CYP4F2: variants seen among roughly 807,000 people sequenced by gnomAD.
CYP4F2 encodes cytochrome P450 family 4 subfamily F member 2, also known as cytochrome P450 4F2.
Under a neutral mutation model 58.9 loss-of-function variants are expected in CYP4F2, and 58 were observed. The ratio of observed to expected loss-of-function variants is 0.98; its 90% CI spans 0.80 to 1.23. The LOEUF (loss-of-function observed/expected upper bound fraction) is 1.23, where lower values mean the gene tolerates loss of function less well. CYP4F2 is among the 50% of genes most tolerant of loss of function. CYP4F2 has a pLI of 0.00. For missense variants in CYP4F2, 616 were observed against 685.6 expected, an observed-to-expected ratio of 0.90 and a Z score of 1.13; for synonymous variants, 287 against 261.1, an observed-to-expected ratio of 1.10 and a Z score of -0.95.
At chr19:15,888,803 G>A (rs963579702) in intron 7 of CYP4F2, among the ~76,000 whole-genome samples, 3 of 151,984 alleles carry the variant, frequency 2.0e-5, no homozygotes, top group African/African-American at 7.3e-5. Context: ...CATAGACGAA[G>A]ACATAGTCAT....
chr19:15,888,568 A>G (rs1048197467), intron 7 of CYP4F2, among the ~76,000 whole-genome samples: 2 of 152,214 alleles, frequency 1.3e-5, no homozygotes, highest in Non-Finnish European at 2.9e-5. Flanking sequence ...ACACAGACAC[A>G]CAAGTACACA....
At chr19:15,896,475 G>T (rs1190740498) in intron 2 of CYP4F2, among the ~76,000 whole-genome samples, 2 of 152,156 alleles carry the variant, frequency 1.3e-5, no homozygotes, top group Non-Finnish European at 2.9e-5. Context: ...ATATGGGGAG[G>T]TCCTCACAGG....
chr19:15,888,847 A>G (rs2089398669), intron 7 of CYP4F2, among the ~76,000 whole-genome samples: 1 of 152,242 alleles, frequency 6.6e-6, no homozygotes, highest in African/African-American at 2.4e-5. Context: ...ATAGACATAC[A>G]CTGAGACAAA....
Position 15,892,571 on chromosome 19 carries a change from G to C in CYP4F2, c.355C>G (p.Pro119Ala). 1.2e-6 allele frequency: 2 copies of C among 1,614,048 alleles called. No homozygotes were observed. Among genetic ancestry groups the C allele is most frequent in the South Asian group, 2.2e-5 (2 of 91,062 alleles). The change falls in exon 4 of 13, where the codon CCA becomes GCA. Residue 119 changes from proline to alanine, a missense_variant. By Grantham distance (27) the Pro-to-Ala change is conservative. Transcript: ENST00000221700. ...AAGCTGTAGAAGAACTTGTCCTTTG[G>C]TGCAATGGCAGCTGACATAAATGAG... is the stretch of plus-strand genomic sequence containing the variant. ...SVINASAAIAPKDKFFYSFLE... is the reference protein window; with the variant it reads ...SVINASAAIAAKDKFFYSFLE...
chr19:15,885,522 T>C (rs910035840), intron 9 of CYP4F2, among the ~76,000 whole-genome samples: 1 of 152,116 alleles, frequency 6.6e-6, no homozygotes, highest in Non-Finnish European at 1.5e-5. Context: ...ATTTTACCCC[T>C]AGGTCTCCCT....
intron 9 of CYP4F2, among the ~76,000 whole-genome samples, chr19:15,881,582 GATAGATAGATAGATAGATA>G (rs1386468751): frequency 3.3e-5 from 1 of 30,126 alleles, no homozygotes; most frequent in Non-Finnish European, 1.3e-4. Context: ...TAGATAGATA[GATAGATAGATAGATAGATA>G]GATAACAAAT....
rs1335939544 is a variant in CYP4F2 at position 15,897,498 on chromosome 19, G to C, written c.114C>G (p.Thr38=). 1 of 1,614,016 alleles carries C rather than the reference G, an allele frequency of 6.2e-7. No homozygotes were observed. Among genetic ancestry groups the C allele is most frequent in the South Asian group, 1.1e-5 (1 of 91,072 alleles). ...SWLLAHVLAW[T]YAFYDNCRRL... ...GGCGGCAGTTGTCATAGAAGGCGTA[G>C]GTCCAGGCCAGGACATGGGCCAGGA... The change falls in exon 2 of 13, where the codon ACC becomes ACG. Residue 38 remains threonine, a synonymous_variant. Transcript: ENST00000221700.
chr19:15,895,675 C>A, intron 2 of CYP4F2, 25 bp from the exon 3 acceptor site: 1 of 1,582,506 alleles, frequency 6.3e-7, no homozygotes, highest in South Asian at 1.2e-5. Context: ...GGGGTCATTA[C>A]CTTCTGTGAT....
Position 15,878,619 on chromosome 19 carries a change from G to A in CYP4F2, c.*152C>T, listed in dbSNP as rs577664914. On this transcript the variant is annotated 3_prime_UTR_variant, in exon 13 of 13. Coordinates refer to ENST00000221700, the MANE Select transcript of CYP4F2 (RefSeq NM_001082.5). ...CCGCCATGAACATTCACGCACAAGC[G>A]TCTTTCTGTTTGAACACTTGTCTCA... is the stretch of plus-strand genomic sequence containing the variant. The A allele has an allele frequency of 4.0e-5, 43 of 1,068,648 alleles. No homozygotes were observed. The highest frequency in any genetic ancestry group is 3.9e-4 in the East Asian group (14 of 36,206). The allele number at this position is 1,068,648 out of a possible 1,614,324, so 66.2% of individuals were successfully genotyped here. A position where few individuals can be genotyped will look rare whatever the true frequency, so the allele number is the denominator to read the frequency against.
rs2089330978 is a variant in CYP4F2 at position 15,879,685 on chromosome 19, A to G, written c.1250-17T>C. On this transcript the variant is annotated splice_polypyrimidine_tract_variant and intron_variant, in intron 10 of 12. Coordinates refer to ENST00000221700, the MANE Select transcript of CYP4F2 (RefSeq NM_001082.5). ...AGATAATGCCTGTGGGAGAGAAGGG[A>G]GCAGTCAGGAGAAGGCCTCCTTCAC... is the stretch of plus-strand genomic sequence containing the variant. 5 of 1,614,110 alleles carry G rather than the reference A, an allele frequency of 3.1e-6. No individual in the cohort carries two copies. The highest frequency in any genetic ancestry group is 4.2e-6 in the Non-Finnish European group (5 of 1,180,008).
At chr19:15,894,584 C>A (rs1351693395) in intron 3 of CYP4F2, among the ~76,000 whole-genome samples, 1 of 152,178 alleles carries the variant, frequency 6.6e-6, no homozygotes, top group Non-Finnish European at 1.5e-5. Context: ...CCTCCCTGGA[C>A]TTTAAAGTCA....
chr19:15,893,442 A>G (rs894933404), intron 3 of CYP4F2, among the ~76,000 whole-genome samples: 1 of 152,216 alleles, frequency 6.6e-6, no homozygotes, highest in Non-Finnish European at 1.5e-5. Flanking sequence ...GACCAGCTCT[A>G]CATGACCCCA....
Position 15,897,559 on chromosome 19 carries a change from G to T in CYP4F2, c.53C>A (p.Pro18His), listed in dbSNP as rs976769104. Residue 18 changes from proline (P) to histidine (H), a missense_variant, in exon 2 of 13, where the codon CCT becomes CAT. Coordinates refer to ENST00000221700, the MANE Select transcript of CYP4F2 (RefSeq NM_001082.5). The stretch of plus-strand genomic sequence containing the variant: ...CCCGACCAGCAGGAGGAGCAGCCAA[G>T]GGGATGCTGCCACTGGCCAGAGGCC... ...WLGLWPVAAS[P>H]WLLLLLVGAS... The T allele has an allele frequency of 6.2e-7, 1 of 1,613,996 alleles. No homozygotes were observed.
intron 7 of CYP4F2, among the ~76,000 whole-genome samples, chr19:15,888,128 A>C (rs995330859): frequency 7.9e-5 from 12 of 152,250 alleles, no homozygotes; most frequent in African/African-American, 2.9e-4. Flanking sequence ...ACACAAACAC[A>C]CATAGATGAA....
At chr19:15,883,212 C>G (rs1051043997) in intron 9 of CYP4F2, among the ~76,000 whole-genome samples, 2 of 152,094 alleles carry the variant, frequency 1.3e-5, no homozygotes, top group African/African-American at 4.8e-5. Flanking sequence ...TCTCAAATTA[C>G]TCATCTGACA....
rs1406167208 is a variant in CYP4F2 at position 15,878,984 on chromosome 19, T to A, written c.1398-48A>T. 6 of 1,600,482 alleles carry A rather than the reference T, an allele frequency of 3.7e-6. No homozygotes were observed. The African/African-American group carries it at 6.7e-5, about 18-fold the overall frequency. Reference sequence around the variant, plus strand: ...CTGACTGCACCCAGGAGCCCCATCCTGGCCCCATCAAGCCGGTAACCTGGC... The same window carrying A: ...CTGACTGCACCCAGGAGCCCCATCCAGGCCCCATCAAGCCGGTAACCTGGC... On this transcript the variant is annotated intron_variant, in intron 12 of 12. Coordinates refer to ENST00000221700, the MANE Select transcript of CYP4F2 (RefSeq NM_001082.5).
At chr19:15,889,226 T>A (rs980273911) in intron 7 of CYP4F2, among the ~76,000 whole-genome samples, 197 bp downstream of exon 7, 3 of 152,208 alleles carry the variant, frequency 2.0e-5, no homozygotes, top group African/African-American at 4.8e-5. Context: ...CTCAGACTTG[T>A]CAGTTTCAAG....
At chr19:15,891,230 A>T (rs1468983729) in intron 5 of CYP4F2, among the ~76,000 whole-genome samples, 1 of 152,162 alleles carries the variant, frequency 6.6e-6, no homozygotes, top group Non-Finnish European at 1.5e-5. Flanking sequence ...CCCTAAGCTT[A>T]AAGCTCCTCT....
At chr19:15,886,864 A>G (rs1273700096) in intron 7 of CYP4F2, among the ~76,000 whole-genome samples, 1 of 152,164 alleles carries the variant, frequency 6.6e-6, no homozygotes, top group Non-Finnish European at 1.5e-5. Flanking sequence ...TCTTGGGAAG[A>G]AATAGAAAAT....
Sources: gnomAD v4.1 joint callset for allele counts (sites outside exome capture counted in the v4.1 genomes callset) on GRCh38, gnomAD v4.1.1 for gene constraint, MANE v1.5 for transcripts, NCBI Gene and HGNC (gene_info 2026-07-23, HGNC 2026-07-21) for gene names.